The following BRAP variants were observed in gnomAD, a reference collection of about 807,000 sequenced individuals.
BRAP encodes BRCA1 associated protein.
Under a neutral mutation model 73.4 loss-of-function variants are expected in BRAP, and 42 were observed. The observed-to-expected ratio is 0.57, with a 90% CI of 0.45 to 0.74. The LOEUF is 0.74. BRAP is among the 30% of genes least tolerant of loss of function. The pLI is 0.00. For synonymous variants in BRAP, 255 were observed against 267.4 expected, an observed-to-expected ratio of 0.95 and a Z score of 0.45; for missense variants, 593 against 751.4, an observed-to-expected ratio of 0.79 and a Z score of 2.46.
In BRAP at chr12:111,659,731, T is replaced by C. The variant is rs563076212; in HGVS notation, c.973-386A>G. 2.9e-3 allele frequency among the ~76,000 whole-genome samples: 444 copies of C among 152,108 alleles called. 2 individuals are homozygous for C. The highest frequency in any genetic ancestry group is 5.4e-3 in the South Asian group (26 of 4,802). ...AACCTGAGACACTAGAAGACAGAATTGTTGGTTGGGCACAGTGGCTCACAC... is the reference window on the plus strand; with the variant it reads ...AACCTGAGACACTAGAAGACAGAATCGTTGGTTGGGCACAGTGGCTCACAC... On this transcript the variant is annotated intron_variant, in intron 7 of 11. Coordinates refer to ENST00000419234, the MANE Select transcript of BRAP (RefSeq NM_006768.5).
chr12:111,680,033 C>T (rs1313219246), intron 3 of BRAP, among the ~76,000 whole-genome samples: 1 of 151,336 alleles, frequency 6.6e-6, no homozygotes, highest in Non-Finnish European at 1.5e-5. Flanking sequence ...TCTCGGCTCA[C>T]TGCAACCTCT....
rs375357747 is a variant in BRAP, at chr12:111,681,726, C to A, written c.354G>T (p.Pro118=). ...AAATCTGGTCTGGAAGCTGTTTGGA[C>A]GGAGAATCTGGGGCAGCGTTTATGC... The part of the protein sequence containing the change: ...KECINAAPDS[P]SKQLPDQISF... Residue 118 remains proline, a synonymous_variant, in exon 3 of 12, where the codon CCG becomes CCT. Transcript: ENST00000419234. 1.2e-6 allele frequency: 2 copies of A among 1,614,000 alleles called. No homozygotes were observed. The highest frequency in any genetic ancestry group is 1.7e-6 in the Non-Finnish European group (2 of 1,179,982).
At chr12:111,670,103 C>T (rs1887110174) in intron 5 of BRAP, 1 of 618,986 alleles carries the variant, frequency 1.6e-6, no homozygotes, top group African/African-American at 1.8e-5. Context: ...TTTCTTTTGG[C>T]TTATTTGATC....
At chr12:111,651,365 C>T (rs977053154) in intron 10 of BRAP, among the ~76,000 whole-genome samples, 2 of 151,822 alleles carry the variant, frequency 1.3e-5, no homozygotes, top group Non-Finnish European at 2.9e-5. Context: ...TGGCGAAAGC[C>T]CGTCTCTACT....
chr12:111,679,167 A>T lies in BRAP; in HGVS notation c.617T>A (p.Ile206Lys). The change falls in exon 4 of 12, where the codon ATA (isoleucine) becomes AAA (lysine). Residue 206 changes from isoleucine to lysine, a missense_variant. Physicochemically the swap from Ile to Lys is moderately radical, Grantham distance 102. This residue lies in a region of BRAP where 304 missense variants were observed against 337.7 expected (regional missense o/e 0.90). Coordinates refer to ENST00000419234, the MANE Select transcript of BRAP (RefSeq NM_006768.5). The part of the protein sequence containing the change: ...DSTPNQYMVL[I>K]KFRAQADADS... ...AACTTTTACCTGTGCACGAAACTTT[A>T]TCAGCACCATATATTGGTTGGGAGT... 1 of 1,567,026 alleles carries T rather than the reference A, an allele frequency of 6.4e-7. No homozygotes were observed. The highest frequency in any genetic ancestry group is 8.7e-7 in the Non-Finnish European group (1 of 1,155,484).
In BRAP at chr12:111,671,683, T is replaced by TTC. The variant is rs1474925326; in HGVS notation, c.747+977_747+978insGA. On this transcript the variant is annotated intron_variant, in intron 5 of 11. Transcript: ENST00000419234. ...GAACAGTCTGGGTAACAGAGAGACTTTTTTTTTTTTTTTTTTTTTTTGAGA... is the reference window on the plus strand; with the variant it reads ...GAACAGTCTGGGTAACAGAGAGACTTTCTTTTTTTTTTTTTTTTTTTTTGAGA... Among the ~76,000 whole-genome samples the TTC allele has an allele frequency of 5.4e-3, 742 of 137,216 alleles. 10 individuals carry two copies. The highest frequency in any genetic ancestry group is 0.021 in the African/African-American group (705 of 33,926). The allele number at this position is 137,216 out of a possible 152,430, so 90.0% of individuals were successfully genotyped here.
At chr12:111,685,628 T>C in intron 1 of BRAP, 83 bp downstream of exon 1, 3 of 1,450,634 alleles carry the variant, frequency 2.1e-6, no homozygotes, top group African/African-American at 1.5e-5. Context: ...GCCGCGGGCT[T>C]TTCCCGGGCC....
At chr12:111,660,174 A>AT (rs369372679) in intron 7 of BRAP, among the ~76,000 whole-genome samples, 21 of 149,236 alleles carry the variant, frequency 1.4e-4, no homozygotes, top group Admixed American at 7.4e-4. Flanking sequence ...TTTATGGGTC[A>AT]TTTTTTTTTT....
At chr12:111,667,948 C>T (rs1200619511) in intron 5 of BRAP, among the ~76,000 whole-genome samples, 1 of 152,090 alleles carries the variant, frequency 6.6e-6, no homozygotes, top group African/African-American at 2.4e-5. Context: ...GTGGCTCACA[C>T]CCGTAATCCC....
At chr12:111,682,728 A>G (rs1228534501) in intron 2 of BRAP, among the ~76,000 whole-genome samples, 3 of 151,976 alleles carry the variant, frequency 2.0e-5, no homozygotes, top group Admixed American at 1.3e-4. Context: ...CCTGGCTAAC[A>G]TGGAGAAACC....
intron 1 of BRAP, among the ~76,000 whole-genome samples, chr12:111,685,383 G>C (rs1456092303): frequency 6.6e-6 from 1 of 152,216 alleles, no homozygotes; most frequent in Non-Finnish European, 1.5e-5. Flanking sequence ...AGCGTTGCTG[G>C]GGACCCAGTC....
intron 3 of BRAP, among the ~76,000 whole-genome samples, chr12:111,679,950 A>G (rs1363126199): frequency 1.3e-5 from 2 of 151,672 alleles, no homozygotes; most frequent in Non-Finnish European, 2.9e-5. Context: ...ACCTCTCTTA[A>G]AAGGCCTAAA....
intron 5 of BRAP, among the ~76,000 whole-genome samples, chr12:111,666,488 C>CA (rs1306979528): frequency 1.3e-5 from 2 of 152,182 alleles, no homozygotes; most frequent in Admixed American, 6.5e-5. Context: ...GTGCAGCAGA[C>CA]AGACACTGTT....
At chr12:111,672,902 A>T in intron 4 of BRAP, 128 bp from the exon 5 acceptor site, 1 of 702,550 alleles carries the variant, frequency 1.4e-6, no homozygotes, top group Non-Finnish European at 2.3e-6. Flanking sequence ...AGAGAGAGCA[A>T]CCACCAAAAG....
intron 9 of BRAP, among the ~76,000 whole-genome samples, 168 bp downstream of exon 9, chr12:111,658,568 C>T (rs1886619405): frequency 6.6e-6 from 1 of 152,164 alleles, no homozygotes; most frequent in South Asian, 2.1e-4. Context: ...AGGTGATCCA[C>T]CTGCCTCAGC....
intron 6 of BRAP, among the ~76,000 whole-genome samples, chr12:111,661,711 A>AC (rs1479542553): frequency 6.8e-6 from 1 of 146,866 alleles, no homozygotes; most frequent in Non-Finnish European, 1.5e-5. Context: ...TAAAAAAAAA[A>AC]GGTTTTTTTT....
chr12:111,656,382 G>A (rs986862229), intron 9 of BRAP, among the ~76,000 whole-genome samples: 2 of 152,144 alleles, frequency 1.3e-5, no homozygotes, highest in East Asian at 1.9e-4. Context: ...ACAGAGCTGT[G>A]GACATTAGAA....
chr12:111,670,482 G>A, intron 5 of BRAP: 1 of 228,226 alleles, frequency 4.4e-6, no homozygotes, highest in Non-Finnish European at 8.7e-6. Flanking sequence ...AAGACCTTCA[G>A]GTCTACTTAA....
chr12:111,655,676 G>C (rs756274587), intron 9 of BRAP, 21 bp from the exon 10 acceptor site: 1 of 1,563,962 alleles, frequency 6.4e-7, no homozygotes, highest in South Asian at 1.1e-5. Flanking sequence ...AGAGAATAAA[G>C]ACCAAAATGT....
Sources: allele counts gnomAD v4.1 joint callset (sites outside exome capture counted in the v4.1 genomes callset), GRCh38; gene constraint gnomAD v4.1.1; regional missense constraint gnomAD v4.1.1; transcripts MANE v1.5; gene names NCBI Gene and HGNC (gene_info 2026-07-23, HGNC 2026-07-21).